OPCML: variants seen among roughly 807,000 people sequenced by gnomAD.
OPCML encodes the protein opioid binding protein/cell adhesion molecule like.
A neutral mutation model predicts 37.8 loss-of-function variants in OPCML; 13 were observed. The ratio of observed to expected loss-of-function variants is 0.34; its 90% confidence interval spans 0.22 to 0.55. The LOEUF (loss-of-function observed/expected upper bound fraction) is 0.55. Among genes scored for constraint, OPCML ranks in the 20% least tolerant of loss-of-function variants. The pLI is 0.91. For missense variants in OPCML, 341 were observed against 435.6 expected (o/e 0.78, Z 1.93); for synonymous variants, 176 against 168.8 (o/e 1.04, Z -0.33).
chr11:132,715,372 T>C (rs1944433132), intron 2 of OPCML, among the ~76,000 whole-genome samples: 1 of 152,206 alleles, frequency 6.6e-6, no homozygotes, highest in South Asian at 2.1e-4. Flanking sequence ...TTCTTTAGTG[T>C]CAAGAACACA....
chr11:133,096,130 ATGTGTG>A (rs59616366), intron 1 of OPCML, among the ~76,000 whole-genome samples: 50,936 of 150,074 alleles, frequency 0.34, 10,243 homozygotes, highest in East Asian at 0.49. Flanking sequence ...TTGTGCACAA[ATGTGTG>A]TGTGTGTGTG....
intron 1 of OPCML, among the ~76,000 whole-genome samples, chr11:133,051,040 C>T (rs1469806188): frequency 7.1e-6 from 1 of 141,696 alleles, no homozygotes; most frequent in East Asian, 2.0e-4. Flanking sequence ...CCTCCTGTCC[C>T]TCCTCCATGT....
intron 1 of OPCML, among the ~76,000 whole-genome samples, chr11:133,042,171 A>G (rs748839398): frequency 2.0e-5 from 3 of 152,178 alleles, no homozygotes; most frequent in Non-Finnish European, 4.4e-5. Flanking sequence ...GGCTCCTGGC[A>G]CTGCACAGCT....
chr11:133,326,661 GTGTGT>G, intron 1 of OPCML, among the ~76,000 whole-genome samples: 1 of 133,520 alleles, frequency 7.5e-6, no homozygotes. Context: ...GTGGGTGTAT[GTGTGT>G]GGGTGGGGGT....
At chr11:132,677,261 T>C (rs952332733) in intron 2 of OPCML, among the ~76,000 whole-genome samples, 1 of 152,060 alleles carries the variant, frequency 6.6e-6, no homozygotes, top group Non-Finnish European at 1.5e-5. Flanking sequence ...ACCAACTAAA[T>C]GAAGAGGTGT....
At chr11:133,496,062 T>G (rs1947780212) in intron 1 of OPCML, among the ~76,000 whole-genome samples, 1 of 152,222 alleles carries the variant, frequency 6.6e-6, no homozygotes, top group South Asian at 2.1e-4. Context: ...TAATCCACCT[T>G]GAGTTGACTT....
chr11:132,829,144 A>G (rs1940537646), intron 2 of OPCML, among the ~76,000 whole-genome samples: 1 of 152,210 alleles, frequency 6.6e-6, no homozygotes. Flanking sequence ...AGAATCCAGA[A>G]GAATCCAAGT....
At chr11:133,188,930 T>C (rs1456392446) in intron 1 of OPCML, among the ~76,000 whole-genome samples, 1 of 152,168 alleles carries the variant, frequency 6.6e-6, no homozygotes, top group Admixed American at 6.5e-5. Context: ...CATTTACTAC[T>C]AGCCAGGTGA....
chr11:132,838,800 C>T (rs746752494), intron 2 of OPCML, among the ~76,000 whole-genome samples: 4 of 152,146 alleles, frequency 2.6e-5, no homozygotes, highest in African/African-American at 9.7e-5. Context: ...GCACGGCCGC[C>T]GCCCTATGAG....
chr11:132,662,412 C>CAAAAAAAAA (rs57243826), intron 2 of OPCML, among the ~76,000 whole-genome samples: 1 of 119,958 alleles, frequency 8.3e-6, no homozygotes, highest in African/African-American at 2.9e-5. Flanking sequence ...TTTGAAAATG[C>CAAAAAAAAA]AAAAAAAAAA....
intron 7 of OPCML, among the ~76,000 whole-genome samples, chr11:132,424,419 G>A (rs1320654553): frequency 6.6e-6 from 1 of 152,146 alleles, no homozygotes; most frequent in Non-Finnish European, 1.5e-5. Flanking sequence ...ATGCCCGGCT[G>A]AGAGGCAGAT....
intron 2 of OPCML, among the ~76,000 whole-genome samples, chr11:132,900,269 C>A (rs1299035545): frequency 6.6e-6 from 1 of 152,028 alleles, no homozygotes; most frequent in Non-Finnish European, 1.5e-5. Flanking sequence ...TCAATTAGGC[C>A]AGTCAAAAAA....
At chr11:132,517,092 C>T (rs2096281677) in intron 4 of OPCML, among the ~76,000 whole-genome samples, 1 of 151,972 alleles carries the variant, frequency 6.6e-6, no homozygotes, top group Non-Finnish European at 1.5e-5. Flanking sequence ...ACGTGTCTCC[C>T]CATTCTACAC....
chr11:133,329,583 G>A (rs1475878855), intron 1 of OPCML, among the ~76,000 whole-genome samples: 1 of 152,160 alleles, frequency 6.6e-6, no homozygotes, highest in African/African-American at 2.4e-5. Flanking sequence ...AGCAATGAAT[G>A]GGGAAAGGAT....
chr11:132,550,977 C>A (rs1264766184), intron 3 of OPCML, among the ~76,000 whole-genome samples: 2 of 152,216 alleles, frequency 1.3e-5, no homozygotes, highest in Non-Finnish European at 2.9e-5. Flanking sequence ...GGCTATCATG[C>A]AGTGAATCTG....
In OPCML at chr11:133,421,916, A is replaced by G; in HGVS notation, c.61+110348T>C. On this transcript the variant is annotated intron_variant, in intron 1 of 7. Transcript: ENST00000524381. Reference sequence around the variant, plus strand: ...TAATTATTGTCAGTTTAAGCCTCCAATCTTGGGAGTAGGTTTTTATGCAGC... The same window carrying G: ...TAATTATTGTCAGTTTAAGCCTCCAGTCTTGGGAGTAGGTTTTTATGCAGC... The G allele has an allele frequency of 9.8e-6, 4 of 409,034 alleles. No individual in the cohort carries two copies. In the South Asian group the frequency reaches 4.1e-4, roughly 41 times the overall value. 25.3% of individuals were successfully genotyped at this position (409,034 alleles called of 1,614,324 possible). A position where few individuals can be genotyped will look rare whatever the true frequency, so the allele number is the denominator to read the frequency against.
chr11:133,058,490 C>T (rs899409239), intron 1 of OPCML, among the ~76,000 whole-genome samples: 3 of 152,180 alleles, frequency 2.0e-5, no homozygotes, highest in Admixed American at 6.5e-5. Flanking sequence ...GGTGTCACAT[C>T]GAGCATGCCA....
chr11:132,484,275 C>A (rs1236057218), intron 4 of OPCML, among the ~76,000 whole-genome samples: 1 of 152,198 alleles, frequency 6.6e-6, no homozygotes, highest in Admixed American at 6.5e-5. Context: ...ACAGACACTT[C>A]TCAAAAGAAG....
intron 1 of OPCML, chr11:133,065,586 C>T (rs11223351): frequency 0.26 from 38,860 of 152,326 alleles, 5,663 homozygotes; most frequent in South Asian, 0.44. Context: ...CGCGGCCAAC[C>T]TCAAGGCAGT....
Sources: allele counts gnomAD v4.1 joint callset (sites outside exome capture counted in the v4.1 genomes callset), GRCh38; gene constraint gnomAD v4.1.1; transcripts MANE v1.5; gene names NCBI Gene and HGNC (gene_info 2026-07-23, HGNC 2026-07-21).